Variants in HACE1 observed in about 807,000 individuals in gnomAD.
HACE1 encodes the protein E3 ubiquitin-protein ligase HACE1.
A neutral mutation model predicts 118.4 loss-of-function variants in HACE1; 73 were observed. The ratio of observed to expected loss-of-function variants is 0.62; its 90% CI spans 0.51 to 0.75. The LOEUF (loss-of-function observed/expected upper bound fraction) is 0.75, where lower values mean the gene tolerates loss of function less well. HACE1 is among the 30% of genes least tolerant of loss of function. The probability of loss-of-function intolerance (pLI) is 0.00; values close to 1 mark genes in which losing one functional copy is unlikely to be tolerated. For missense variants in HACE1, 749 were observed against 1,102.2 expected (o/e 0.68, Z 4.54); for synonymous variants, 368 against 374.8 (o/e 0.98, Z 0.21).
intron 7 of HACE1, among the ~76,000 whole-genome samples, chr6:104,806,997 T>C (rs928947926): frequency 2.0e-5 from 3 of 151,906 alleles, no homozygotes; most frequent in Non-Finnish European, 4.4e-5. Context: ...GCTGAAAGTT[T>C]ACAATTTTAA....
chr6:104,851,490 G>A (rs190661640), intron 2 of HACE1, among the ~76,000 whole-genome samples: 1 of 152,286 alleles, frequency 6.6e-6, no homozygotes, highest in African/African-American at 2.4e-5. Context: ...CAAACGCCTT[G>A]ACCAATAAGC....
At chr6:104,775,150 T>A (rs1235684644) in intron 17 of HACE1, among the ~76,000 whole-genome samples, 1 of 152,122 alleles carries the variant, frequency 6.6e-6, no homozygotes, top group Non-Finnish European at 1.5e-5. Flanking sequence ...GAGGCCAGCC[T>A]CGGCAGCATG....
chr6:104,738,418 GA>G (rs1776195051), intron 22 of HACE1, among the ~76,000 whole-genome samples: 1 of 147,436 alleles, frequency 6.8e-6, no homozygotes, highest in African/African-American at 2.5e-5. Flanking sequence ...TGAAAACTTT[GA>G]AAAAAATTTA....
chr6:104,846,232 T>C (rs941390665), intron 4 of HACE1, among the ~76,000 whole-genome samples: 1 of 152,202 alleles, frequency 6.6e-6, no homozygotes, highest in South Asian at 2.1e-4. Flanking sequence ...AATAAATAAG[T>C]AGCTATTTTG....
rs182928458 is a variant in HACE1 at position 104,825,550 on chromosome 6, T to C, written c.534+7492A>G. Among the ~76,000 whole-genome samples, 12 of 152,296 alleles carry C rather than the reference T, an allele frequency of 7.9e-5. No homozygotes were observed. The East Asian group carries it at 2.1e-3, about 27-fold the overall frequency. On this transcript the variant is annotated intron_variant, in intron 6 of 23. Coordinates refer to ENST00000262903, the MANE Select transcript of HACE1 (RefSeq NM_020771.4). ...GAAGTGCAACTTTGTAACTTCACTT[T>C]AGCCTCTGATTAGTTGCTTCCCACA...
chr6:104,785,532 T>C (rs1782292217), intron 11 of HACE1: 1 of 528,640 alleles, frequency 1.9e-6, no homozygotes, highest in Non-Finnish European at 3.4e-6. Flanking sequence ...ATGGCAATAA[T>C]TTAATTTGTA....
At chr6:104,758,092 G>A (rs1335390019) in intron 19 of HACE1, among the ~76,000 whole-genome samples, 3 of 152,238 alleles carry the variant, frequency 2.0e-5, no homozygotes, top group East Asian at 1.9e-4. Context: ...TGAGAGTGAC[G>A]GGGAGAATGG....
chr6:104,858,698 C>T (rs1306193009), intron 1 of HACE1, among the ~76,000 whole-genome samples: 1 of 152,170 alleles, frequency 6.6e-6, no homozygotes, highest in Non-Finnish European at 1.5e-5. Context: ...AAAAGCTATT[C>T]ACCAGCTACA....
chr6:104,849,061 G>A, intron 4 of HACE1, 81 bp downstream of exon 4: 1 of 806,790 alleles, frequency 1.2e-6, no homozygotes, highest in Admixed American at 1.7e-5. Flanking sequence ...CAGGGATGCG[G>A]GAGGAATCAT....
At chr6:104,768,884 A>T (rs1362756048) in intron 19 of HACE1, among the ~76,000 whole-genome samples, 1 of 152,128 alleles carries the variant, frequency 6.6e-6, no homozygotes, top group Admixed American at 6.5e-5. Context: ...ATTCTTATTT[A>T]TTCAATATTT....
intron 22 of HACE1, among the ~76,000 whole-genome samples, chr6:104,737,232 C>G (rs1267404680): frequency 7.6e-6 from 1 of 131,832 alleles, no homozygotes; most frequent in Non-Finnish European, 1.5e-5. Flanking sequence ...GCGGAGGTTG[C>G]AGATCGAGCC....
chr6:104,803,734 T>C (rs1019284764), intron 7 of HACE1, among the ~76,000 whole-genome samples: 2 of 152,156 alleles, frequency 1.3e-5, no homozygotes, highest in Non-Finnish European at 2.9e-5. Flanking sequence ...AAGAGCTATT[T>C]ATGACAAACC....
intron 11 of HACE1, chr6:104,786,123 T>TTCC (rs1782364537): frequency 6.6e-6 from 1 of 151,914 alleles, no homozygotes; most frequent in Admixed American, 6.6e-5. Context: ...TCACTTGAGG[T>TTCC]CAGGAATTCG....
chr6:104,768,985 G>A (rs1342456740), intron 19 of HACE1, among the ~76,000 whole-genome samples: 1 of 151,934 alleles, frequency 6.6e-6, no homozygotes, highest in Non-Finnish European at 1.5e-5. Context: ...ATAGTAAGGG[G>A]GGGTGCTGCT....
At chr6:104,735,932 A>G (rs1223348446) in intron 22 of HACE1, among the ~76,000 whole-genome samples, 2 of 152,042 alleles carry the variant, frequency 1.3e-5, no homozygotes, top group African/African-American at 2.4e-5. Context: ...ACATAGATCT[A>G]TAAATTTAGT....
chr6:104,753,969 G>A (rs186796114), intron 19 of HACE1, among the ~76,000 whole-genome samples: 70 of 152,206 alleles, frequency 4.6e-4, no homozygotes, highest in African/African-American at 1.6e-3. Context: ...TGAGATAAAG[G>A]AGCATGTTTT....
intron 6 of HACE1, among the ~76,000 whole-genome samples, chr6:104,829,577 T>C (rs1773658932): frequency 6.6e-6 from 1 of 152,204 alleles, no homozygotes; most frequent in Non-Finnish European, 1.5e-5. Flanking sequence ...CCTTTATGTT[T>C]ATATGATCAT....
chr6:104,769,552 A>G (rs757944180), intron 19 of HACE1, among the ~76,000 whole-genome samples: 2 of 152,242 alleles, frequency 1.3e-5, no homozygotes, highest in Non-Finnish European at 2.9e-5. Flanking sequence ...ATTTTCACTC[A>G]CTGGCAAATC....
chr6:104,819,732 C>T (rs1007676610), intron 6 of HACE1, among the ~76,000 whole-genome samples: 7 of 152,040 alleles, frequency 4.6e-5, no homozygotes, highest in African/African-American at 1.2e-4. Context: ...CAAATAAGAC[C>T]GCACTCTGAC....
Sources: allele counts gnomAD v4.1 joint callset (sites outside exome capture counted in the v4.1 genomes callset), GRCh38; gene constraint gnomAD v4.1.1; transcripts MANE v1.5; gene names NCBI Gene and HGNC (gene_info 2026-07-23, HGNC 2026-07-21).